Variants in SOX6 observed in about 807,000 individuals in gnomAD.
SOX6 encodes the protein SRY-box transcription factor 6.
In SOX6, 11 loss-of-function variants were observed where a neutral mutation model predicts 97.8. That is an observed-to-expected ratio of 0.11 (90% CI 0.07 to 0.19). The LOEUF is 0.19. Ranked by LOEUF, SOX6 falls within the 10% of genes least tolerant of loss-of-function variation. The probability of loss-of-function intolerance (pLI) is 1.00; values close to 1 mark genes in which losing one functional copy is unlikely to be tolerated. For synonymous variants in SOX6, 360 were observed against 371.4 expected (o/e 0.97, Z 0.35); for missense variants, 810 against 1,039.5 (o/e 0.78, Z 3.04).
chr11:16,388,498 T>G (rs1304129286), intron 1 of SOX6, among the ~76,000 whole-genome samples: 1 of 152,128 alleles, frequency 6.6e-6, no homozygotes, highest in African/African-American at 2.4e-5. Context: ...AAATATTTGA[T>G]AGAATCCACA....
intron 2 of SOX6, among the ~76,000 whole-genome samples, chr11:16,735,559 A>C (rs1208031105): frequency 6.6e-6 from 1 of 152,154 alleles, no homozygotes; most frequent in Non-Finnish European, 1.5e-5. Context: ...GAAGCATCTT[A>C]TTTAATGTTG....
chr11:16,112,011 A>G (rs1420157742), intron 6 of SOX6, 88 bp from the exon 7 acceptor site: 1 of 1,534,894 alleles, frequency 6.5e-7, no homozygotes, highest in African/African-American at 1.4e-5. Context: ...GTGTGCTGGT[A>G]CCCACACAGC....
intron 1 of SOX6, among the ~76,000 whole-genome samples, chr11:16,469,651 T>C (rs551612934): frequency 6.6e-6 from 1 of 152,256 alleles, no homozygotes; most frequent in African/African-American, 2.4e-5. Context: ...AAGAGTAGCA[T>C]TTTTGTCCTT....
rs900481559 is a variant in SOX6, at chr11:16,700,967, T to C, written n.429+13863A>G. ...CCCTAGGTCCTAGTTTAAAAAAATA[T>C]ATACAATGCAACACTCAAAAATATC... is the stretch of plus-strand genomic sequence containing the variant. On this transcript the variant is annotated intron_variant and non_coding_transcript_variant, in intron 3 of 5. Coordinates refer to the SOX6 transcript ENST00000524520. Among the ~76,000 whole-genome samples, 7 of 152,232 alleles carry C rather than the reference T, an allele frequency of 4.6e-5. 1 individual carries two copies. The highest frequency in any genetic ancestry group is 3.3e-4 in the Admixed American group (5 of 15,284).
rs185347115 is a variant in SOX6 at position 16,381,820 on chromosome 11, A to C, written c.-4-40568T>G. Among the ~76,000 whole-genome samples the C allele has an allele frequency of 5.7e-3, 867 of 152,056 alleles. 7 individuals carry two copies. The highest frequency in any genetic ancestry group is 0.02 in the African/African-American group (838 of 41,538). ...CAAACATACACACACATACACACAC[A>C]GGCAGAGGCACAATGAACACAATAC... On this transcript the variant is annotated intron_variant, in intron 1 of 15. Transcript: ENST00000396356.
chr11:16,522,455 T>A (rs1342144416), intron 4 of SOX6, among the ~76,000 whole-genome samples: 2 of 152,056 alleles, frequency 1.3e-5, no homozygotes, highest in Non-Finnish European at 2.9e-5. Context: ...TCACCAGGCC[T>A]GCCCTAAAAG....
intron 1 of SOX6, among the ~76,000 whole-genome samples, chr11:16,737,659 G>C (rs989914136): frequency 6.6e-6 from 1 of 152,158 alleles, no homozygotes; most frequent in Non-Finnish European, 1.5e-5. Context: ...TTCAGTATCT[G>C]AACAATAAAT....
chr11:16,695,140 A>G (rs555282998), intron 3 of SOX6, among the ~76,000 whole-genome samples: 2 of 152,272 alleles, frequency 1.3e-5, no homozygotes, highest in African/African-American at 4.8e-5. Flanking sequence ...CTCTATATGT[A>G]ATTCACCAAA....
chr11:16,169,815 A>G (rs1277978282), intron 6 of SOX6, among the ~76,000 whole-genome samples: 1 of 151,968 alleles, frequency 6.6e-6, no homozygotes, highest in Admixed American at 6.6e-5. Context: ...CATGATATAC[A>G]CCACCATGAG....
At chr11:16,015,922 T>C (rs1854869092) in intron 12 of SOX6, among the ~76,000 whole-genome samples, 1 of 152,108 alleles carries the variant, frequency 6.6e-6, no homozygotes, top group Non-Finnish European at 1.5e-5. Context: ...TATGAAACAA[T>C]ATTAAATGTC....
At chr11:16,044,758 A>T (rs1011263905) in intron 12 of SOX6, among the ~76,000 whole-genome samples, 2 of 152,148 alleles carry the variant, frequency 1.3e-5, no homozygotes, top group Non-Finnish European at 2.9e-5. Context: ...TCATGAACAC[A>T]ACATCCCTAG....
intron 3 of SOX6, among the ~76,000 whole-genome samples, chr11:16,708,258 G>A (rs1033507809): frequency 6.6e-6 from 1 of 152,102 alleles, no homozygotes; most frequent in Non-Finnish European, 1.5e-5. Context: ...CCTTTCAGCA[G>A]AAAATTCAGA....
chr11:16,132,444 A>AAAAAAAGAAAGAAAG (rs1849828238), intron 6 of SOX6, among the ~76,000 whole-genome samples: 1 of 27,230 alleles, frequency 3.7e-5, no homozygotes, highest in African/African-American at 1.7e-4. Context: ...AAAGAAAGAA[A>AAAAAAAGAAAGAAAG]AAAGAAAGAA....
intron 3 of SOX6, among the ~76,000 whole-genome samples, chr11:16,692,304 C>T (rs1033457643): frequency 6.6e-6 from 1 of 152,136 alleles, no homozygotes; most frequent in African/African-American, 2.4e-5. Flanking sequence ...CCCACCTCGG[C>T]CTTCCAAAGT....
At chr11:16,362,911 G>A (rs1857246407) in intron 1 of SOX6, among the ~76,000 whole-genome samples, 1 of 152,132 alleles carries the variant, frequency 6.6e-6, no homozygotes, top group Non-Finnish European at 1.5e-5. Flanking sequence ...ATATACCTGT[G>A]ATACTTCTAG....
intron 3 of SOX6, among the ~76,000 whole-genome samples, chr11:16,251,822 T>C (rs75811280): frequency 0.011 from 1,614 of 152,218 alleles, 15 homozygotes; most frequent in Non-Finnish European, 0.017. Flanking sequence ...TTAGCAAATA[T>C]AATCTGACAA....
At chr11:16,104,193 C>T (rs1477146163) in intron 7 of SOX6, among the ~76,000 whole-genome samples, 6 of 151,866 alleles carry the variant, frequency 4.0e-5, no homozygotes, top group African/African-American at 1.2e-4. Context: ...TCTGAAGAAC[C>T]TCAGAAATGC....
chr11:16,255,840 G>A (rs1218788082), intron 3 of SOX6, among the ~76,000 whole-genome samples: 29 of 141,376 alleles, frequency 2.1e-4, no homozygotes, highest in African/African-American at 5.3e-4. Flanking sequence ...CCAGACTAAA[G>A]GAAAAAAAAA....
At chr11:16,290,204 A>G (rs1403492081) in intron 3 of SOX6, among the ~76,000 whole-genome samples, 1 of 151,994 alleles carries the variant, frequency 6.6e-6, no homozygotes, top group Non-Finnish European at 1.5e-5. Flanking sequence ...CCAAAGCACA[A>G]TAAGAGCACT....
Sources: allele counts gnomAD v4.1 joint callset (sites outside exome capture counted in the v4.1 genomes callset), GRCh38; gene constraint gnomAD v4.1.1; transcripts MANE v1.5; gene names NCBI Gene and HGNC (gene_info 2026-07-23, HGNC 2026-07-21).